Variants in TSC22D3 observed in about 807,000 individuals in gnomAD.
The protein encoded by TSC22D3 is TSC22 domain family member 3.
In TSC22D3, 4 loss-of-function variants were observed where a neutral mutation model predicts 11.1. That is an observed-to-expected ratio of 0.36 (90% CI 0.18 to 0.83). TSC22D3 has a LOEUF of 0.83. Among genes scored for constraint, TSC22D3 ranks in the 40% least tolerant of loss-of-function variants. TSC22D3 has a pLI of 0.48. For missense variants in TSC22D3, 118 were observed against 159.4 expected, an observed-to-expected ratio of 0.74 and a Z score of 1.40; for synonymous variants, 77 against 70.3, an observed-to-expected ratio of 1.10 and a Z score of -0.48.
At chrX:107,723,647 C>T (rs771531059) in intron 1 of TSC22D3, among the ~76,000 whole-genome samples, 47 of 112,991 alleles carry the variant, frequency 4.2e-4, no homozygotes, top group Admixed American at 2.3e-3. Context: ...TCTGCACCAG[C>T]CCTCCACCAG....
intron 1 of TSC22D3, among the ~76,000 whole-genome samples, chrX:107,728,091 C>T (rs1458758466): frequency 2.7e-5 from 3 of 110,807 alleles, no homozygotes; most frequent in Non-Finnish European, 3.8e-5. Context: ...ATCTTATTTA[C>T]TACTGTACAC....
chrX:107,772,204 G>C (rs1201434904), intron 1 of TSC22D3, among the ~76,000 whole-genome samples: 1 of 111,496 alleles, frequency 9.0e-6, no homozygotes, highest in Non-Finnish European at 1.9e-5. Flanking sequence ...AAAAATATAG[G>C]AGCCCTCTTG....
At position 107,751,067 on chromosome X, in the gene TSC22D3, T is replaced by C. The variant is rs73636315; in HGVS notation, c.320+24033A>G. 7.6e-3 allele frequency among the ~76,000 whole-genome samples: 851 copies of C among 111,923 alleles called. 6 individuals are homozygous for C. The highest frequency in any genetic ancestry group is 0.026 in the African/African-American group (816 of 30,808). On this transcript the variant is annotated intron_variant, in intron 1 of 2. Transcript: ENST00000372383. ...CCTAGAGCTACTTCTCAAATTACCC[T>C]GAGGTAGCTGCTCCAGAGACATGTT...
At chrX:107,749,884 T>C (rs1928857472) in intron 1 of TSC22D3, among the ~76,000 whole-genome samples, 2 of 111,148 alleles carry the variant, frequency 1.8e-5, no homozygotes, top group Admixed American at 1.9e-4. Flanking sequence ...GCAGACAGAG[T>C]TACCTACTCA....
chrX:107,729,702 C>CGGG (rs1370033667), intron 1 of TSC22D3, among the ~76,000 whole-genome samples: 1 of 112,543 alleles, frequency 8.9e-6, no homozygotes, highest in Non-Finnish European at 1.9e-5. Flanking sequence ...TCTCCACCCC[C>CGGG]GGGGCCCTGT....
chrX:107,730,414 A>T (rs1927829546), intron 1 of TSC22D3, among the ~76,000 whole-genome samples: 1 of 111,934 alleles, frequency 8.9e-6, no homozygotes, highest in African/African-American at 3.3e-5. Context: ...GAGGAATTTG[A>T]AAAGGGTCCT....
At chrX:107,767,228 C>T (rs1269049148) in intron 1 of TSC22D3, among the ~76,000 whole-genome samples, 1 of 111,668 alleles carries the variant, frequency 9.0e-6, no homozygotes, top group African/African-American at 3.3e-5. Context: ...AGTCTTCCTT[C>T]GAGGAAGGAT....
chrX:107,742,277 GAGAA>G lies in TSC22D3; in HGVS notation c.321-26331_321-26328del, dbSNP rs1283794236. Among the ~76,000 whole-genome samples, 526 of 65,978 alleles carry G rather than the reference GAGAA, an allele frequency of 8.0e-3. 6 individuals carry two copies. Among genetic ancestry groups the G allele is most frequent in the East Asian group, 0.019 (40 of 2,157 alleles). 57.3% of individuals were successfully genotyped at this position (65,978 alleles called of 115,157 possible). The stretch of plus-strand genomic sequence containing the variant: ...CATGTATTTGAGAGAGAGAGAGAGA[GAGAA>G]AGAGAGAGAGAGAGAGAGAGAGAGA... On this transcript the variant is annotated intron_variant, in intron 1 of 2. Transcript: ENST00000372383.
chrX:107,725,906 C>T lies in TSC22D3; in HGVS notation c.321-9956G>A, dbSNP rs149168754. Reference sequence around the variant, plus strand: ...TAACAGCACAGTTTGGTCAATGAACCGGCCCAACCTCCCTTCTACAGGAAC... The same window carrying T: ...TAACAGCACAGTTTGGTCAATGAACTGGCCCAACCTCCCTTCTACAGGAAC... On this transcript the variant is annotated intron_variant, in intron 1 of 2. Transcript: ENST00000372383. Among the ~76,000 whole-genome samples the T allele has an allele frequency of 9.5e-3, 1,053 of 111,251 alleles. 21 individuals carry two copies. The highest frequency in any genetic ancestry group is 0.032 in the African/African-American group (990 of 30,566).
chrX:107,716,945 A>G (rs1927079382), intron 1 of TSC22D3: 1 of 1,099,522 alleles, frequency 9.1e-7, no homozygotes, highest in Admixed American at 3.4e-5. Flanking sequence ...AGCGGGGCGA[A>G]GGCTGCAGAA....
At chrX:107,756,615 C>G (rs1038560528) in intron 1 of TSC22D3, among the ~76,000 whole-genome samples, 4 of 112,375 alleles carry the variant, frequency 3.6e-5, no homozygotes, top group Non-Finnish European at 7.5e-5. Context: ...GAGCCTGCCT[C>G]CCTCCCTCCT....
At chrX:107,724,939 G>C (rs1164232104) in intron 1 of TSC22D3, among the ~76,000 whole-genome samples, 1 of 112,074 alleles carries the variant, frequency 8.9e-6, no homozygotes, top group Non-Finnish European at 1.9e-5. Flanking sequence ...TCCTCTTGAG[G>C]ACAGTTCTAA....
At chrX:107,721,475 TG>T (rs2147725373) in intron 1 of TSC22D3, among the ~76,000 whole-genome samples, 1 of 111,518 alleles carries the variant, frequency 9.0e-6, no homozygotes, top group South Asian at 3.8e-4. Context: ...TGCGGTAGGT[TG>T]GGGGTGGTGA....
intron 1 of TSC22D3, among the ~76,000 whole-genome samples, chrX:107,746,118 C>T (rs972938961): frequency 9.0e-6 from 1 of 111,618 alleles, no homozygotes; most frequent in African/African-American, 3.3e-5. Flanking sequence ...GAGATTGTTT[C>T]CCAATCATTG....
At chrX:107,722,750 A>C (rs7064203) in intron 1 of TSC22D3, among the ~76,000 whole-genome samples, 1,781 of 111,159 alleles carry the variant, frequency 0.016, 35 homozygotes, top group African/African-American at 0.055. Flanking sequence ...AAATAGATAT[A>C]CCTGAAAAAG....
At chrX:107,773,159 T>C (rs1470081566) in intron 1 of TSC22D3, among the ~76,000 whole-genome samples, 1 of 112,850 alleles carries the variant, frequency 8.9e-6, no homozygotes, top group East Asian at 2.8e-4. Flanking sequence ...TAAACTCGTA[T>C]TAGTGGAGTA....
intron 1 of TSC22D3, among the ~76,000 whole-genome samples, chrX:107,764,601 G>A (rs1036424075): frequency 2.7e-5 from 3 of 111,799 alleles, no homozygotes; most frequent in Non-Finnish European, 5.6e-5. Context: ...TTTGACCAAG[G>A]TGCAAACAAG....
intron 1 of TSC22D3, among the ~76,000 whole-genome samples, chrX:107,773,510 G>A (rs1271269549): frequency 8.9e-6 from 1 of 112,413 alleles, no homozygotes; most frequent in Non-Finnish European, 1.9e-5. Flanking sequence ...TCTGTGGGCT[G>A]AATACACTTG....
intron 1 of TSC22D3, among the ~76,000 whole-genome samples, chrX:107,753,574 C>A (rs1390998108): frequency 9.0e-6 from 1 of 111,591 alleles, no homozygotes; most frequent in African/African-American, 3.3e-5. Context: ...TTCCTGGTAA[C>A]TCCTTGGATC....
Sources: gnomAD v4.1 joint callset for allele counts (sites outside exome capture counted in the v4.1 genomes callset) on GRCh38, gnomAD v4.1.1 for gene constraint, MANE v1.5 for transcripts, NCBI Gene and HGNC (gene_info 2026-07-23, HGNC 2026-07-21) for gene names.